Variants in POU2F1 observed in about 807,000 individuals in gnomAD.
POU2F1 encodes the protein POU domain, class 2, transcription factor 1.
Under a neutral mutation model 84.9 loss-of-function variants are expected in POU2F1, and 16 were observed. That is an observed-to-expected ratio of 0.19 (90% CI 0.13 to 0.29). The LOEUF (loss-of-function observed/expected upper bound fraction) is 0.29, where lower values mean the gene tolerates loss of function less well. Ranked by LOEUF, POU2F1 falls within the 10% of genes least tolerant of loss-of-function variation. POU2F1 has a pLI of 1.00. For missense variants in POU2F1, 738 were observed against 942.6 expected (o/e 0.78, Z 2.84); for synonymous variants, 368 against 368.3 (o/e 1.00, Z 0.01).
intron 1 of POU2F1, among the ~76,000 whole-genome samples, chr1:167,331,506 G>A (rs536582606): frequency 6.6e-6 from 1 of 152,166 alleles, no homozygotes; most frequent in South Asian, 2.1e-4. Flanking sequence ...ATAAGTTAAT[G>A]TGGGTAAAGG....
intron 2 of POU2F1, 96 bp downstream of exon 2, chr1:167,332,631 C>A: frequency 2.2e-6 from 2 of 910,844 alleles, no homozygotes; most frequent in Non-Finnish European, 3.4e-6. Context: ...CAAATACAGA[C>A]CAATTTGAGT....
intron 15 of POU2F1, among the ~76,000 whole-genome samples, chr1:167,415,266 C>T (rs1265515929): frequency 1.3e-5 from 2 of 152,142 alleles, no homozygotes; most frequent in African/African-American, 2.4e-5. Flanking sequence ...GTCTTCTACC[C>T]CTGCTTGTGC....
chr1:167,285,795 G>A (rs1162103845), intron 1 of POU2F1, among the ~76,000 whole-genome samples: 2 of 152,098 alleles, frequency 1.3e-5, no homozygotes, highest in African/African-American at 4.8e-5. Flanking sequence ...AAGCTGCAGA[G>A]TTGATTTAGG....
At chr1:167,297,485 A>C (rs1654363446) in intron 1 of POU2F1, among the ~76,000 whole-genome samples, 1 of 152,204 alleles carries the variant, frequency 6.6e-6, no homozygotes, top group South Asian at 2.1e-4. Context: ...AATAATGTCC[A>C]GAGAAAAGAG....
At position 167,365,521 on chromosome 1, in the gene POU2F1, C is replaced by T; in HGVS notation, c.182C>T (p.Ala61Val). The stretch of plus-strand genomic sequence containing the variant: ...AAGCAGCCTGTGCCTGTAGGAGGAG[C>T]AATCTCAACAGCCCAGGCGCAGGCT... ...FQKQPVPVGGAISTAQAQAFL... is the reference protein window; with the variant it reads ...FQKQPVPVGGVISTAQAQAFL... The change falls in exon 3 of 16, where the codon GCA becomes GTA. Residue 61 changes from alanine (A) to valine (V), a missense_variant. By Grantham distance (64) the Ala-to-Val change is moderately conservative. This residue lies in a region of POU2F1 where 161 missense variants were observed against 147.0 expected (regional missense o/e 1.10). Coordinates refer to ENST00000367866, the MANE Select transcript of POU2F1 (RefSeq NM_002697.4). 6.2e-7 allele frequency: 1 copy of T among 1,603,002 alleles called. No individual in the cohort carries two copies. Among genetic ancestry groups the T allele is most frequent in the Non-Finnish European group, 8.5e-7 (1 of 1,175,172 alleles).
At chr1:167,293,757 G>T (rs1338697656) in intron 1 of POU2F1, among the ~76,000 whole-genome samples, 1 of 151,992 alleles carries the variant, frequency 6.6e-6, no homozygotes, top group African/African-American at 2.4e-5. Context: ...TATAAAAGTC[G>T]GCATGTAGAC....
intron 2 of POU2F1, among the ~76,000 whole-genome samples, chr1:167,356,443 A>G (rs1658942509): frequency 6.6e-6 from 1 of 151,988 alleles, no homozygotes; most frequent in African/African-American, 2.4e-5. Context: ...TCCAACTCAG[A>G]TGTTTTCTTT....
chr1:167,328,498 G>A (rs1446673902), intron 1 of POU2F1, among the ~76,000 whole-genome samples: 1 of 152,124 alleles, frequency 6.6e-6, no homozygotes, highest in East Asian at 1.9e-4. Flanking sequence ...TGTGTAGAAA[G>A]CTTTTTGCAA....
At chr1:167,274,039 A>C (rs1300418529) in intron 1 of POU2F1, among the ~76,000 whole-genome samples, 1 of 152,220 alleles carries the variant, frequency 6.6e-6, no homozygotes, top group Admixed American at 6.5e-5. Context: ...CTGAATGACC[A>C]CCAGTTACTA....
At chr1:167,332,323 T>C (rs1354262875) in intron 1 of POU2F1, 147 bp from the exon 2 acceptor site, 1 of 476,734 alleles carries the variant, frequency 2.1e-6, no homozygotes, top group Non-Finnish European at 3.7e-6. Context: ...ATTTCTAGTA[T>C]TTTAGCCAGA....
At position 167,220,958 on chromosome 1, in the gene POU2F1, G is replaced by A. The variant is rs1285910222; in HGVS notation, c.61G>A (p.Asp21Asn). The A allele has an allele frequency of 3.9e-6, 6 of 1,535,016 alleles. No homozygotes were observed. In the South Asian group the frequency reaches 4.8e-5, roughly 12 times the overall value. ...TTCAGCCGCGGCGGCAGCAGCAGCA[G>A]GTAATCATTACAGCATTTTACATAT... The part of the protein sequence containing the change: ...ESSAAAAAAA[D>N]SRMNNPSETS... The change falls in exon 1 of 16, where the codon GAC becomes AAC. Residue 21 changes from aspartate (D) to asparagine (N), a missense_variant and splice_region_variant. Asp to Asn is a conservative substitution (Grantham distance 23). Transcript: ENST00000367866.
chr1:167,251,372 C>G (rs1475580432), intron 1 of POU2F1, among the ~76,000 whole-genome samples: 1 of 152,108 alleles, frequency 6.6e-6, no homozygotes, highest in Non-Finnish European at 1.5e-5. Context: ...GCACTCCAGC[C>G]TGGGTGACAG....
intron 1 of POU2F1, among the ~76,000 whole-genome samples, chr1:167,262,457 G>A (rs1651638785): frequency 1.3e-5 from 2 of 152,188 alleles, no homozygotes; most frequent in Non-Finnish European, 2.9e-5. Context: ...TCAGCGAATT[G>A]CGGGAAACAC....
At chr1:167,277,419 G>C (rs1652807073) in intron 1 of POU2F1, among the ~76,000 whole-genome samples, 1 of 151,098 alleles carries the variant, frequency 6.6e-6, no homozygotes, top group African/African-American at 2.4e-5. Context: ...AAACCAGCCA[G>C]TTCCTGAGCT....
At chr1:167,275,409 C>G (rs1423918411) in intron 1 of POU2F1, among the ~76,000 whole-genome samples, 1 of 151,454 alleles carries the variant, frequency 6.6e-6, no homozygotes, top group Admixed American at 6.6e-5. Flanking sequence ...TATTTAAAAA[C>G]TGTATTAAAA....
chr1:167,241,073 C>A (rs372164217), intron 1 of POU2F1, among the ~76,000 whole-genome samples: 2 of 151,992 alleles, frequency 1.3e-5, no homozygotes, highest in African/African-American at 4.8e-5. Context: ...ACCCGGGAGG[C>A]GGAGGTTGCC....
chr1:167,317,769 C>G (rs1427093824), intron 1 of POU2F1, among the ~76,000 whole-genome samples: 4 of 152,204 alleles, frequency 2.6e-5, no homozygotes, highest in African/African-American at 9.6e-5. Flanking sequence ...ACAAGCATGT[C>G]ACAGTGCTGC....
chr1:167,260,233 G>A (rs550304083), intron 1 of POU2F1, among the ~76,000 whole-genome samples: 3 of 152,054 alleles, frequency 2.0e-5, no homozygotes, highest in Non-Finnish European at 4.4e-5. Context: ...TAAAAAAATC[G>A]TTACATCTTT....
intron 1 of POU2F1, among the ~76,000 whole-genome samples, chr1:167,304,409 A>G (rs1654920483): frequency 6.6e-6 from 1 of 152,226 alleles, no homozygotes; most frequent in Admixed American, 6.5e-5. Context: ...ATATGCTAGA[A>G]CTGGAGTTTA....
Sources: gnomAD v4.1 joint callset for allele counts (sites outside exome capture counted in the v4.1 genomes callset) on GRCh38, gnomAD v4.1.1 for gene constraint, gnomAD v4.1.1 regional missense constraint, MANE v1.5 for transcripts, NCBI Gene and HGNC (gene_info 2026-07-23, HGNC 2026-07-21) for gene names.